Variants in DSCC1 observed in about 807,000 individuals in gnomAD.
DSCC1 encodes the protein sister chromatid cohesion protein DCC1.
Under a neutral mutation model 48.2 loss-of-function variants are expected in DSCC1, and 32 were observed. The ratio of observed to expected loss-of-function variants is 0.66; its 90% CI spans 0.50 to 0.89. The LOEUF is 0.89. Among genes scored for constraint, DSCC1 ranks in the 40% least tolerant of loss-of-function variants. DSCC1 has a pLI of 0.00. For synonymous variants in DSCC1, 150 were observed against 171.5 expected (o/e 0.87, Z 0.98); for missense variants, 421 against 471.7 (o/e 0.89, Z 1.00).
intron 4 of DSCC1, 102 bp from the exon 5 acceptor site, chr8:119,843,849 T>A: frequency 8.3e-7 from 1 of 1,200,680 alleles, no homozygotes; most frequent in Non-Finnish European, 1.2e-6. Context: ...TGATCTCAGC[T>A]CATCGCAACC....
chr8:119,842,899 A>G (rs1342081922), intron 5 of DSCC1, 71 bp from the exon 6 acceptor site: 2 of 1,255,700 alleles, frequency 1.6e-6, no homozygotes, highest in East Asian at 5.0e-5. Context: ...CCCCATTGCC[A>G]ACTCAAAATT....
rs955656200 is a variant in DSCC1, at chr8:119,855,790, C to G, written c.6G>C (p.Lys2Asn). The G allele has an allele frequency of 1.3e-6, 2 of 1,530,716 alleles. No homozygotes were observed. The highest frequency in any genetic ancestry group is 1.8e-6 in the Non-Finnish European group (2 of 1,139,770). 94.8% of individuals were successfully genotyped at this position (1,530,716 alleles called of 1,614,324 possible). A position where few individuals can be genotyped will look rare whatever the true frequency, so the allele number is the denominator to read the frequency against. ...TCGCATCCACCTCGTCGCGGGTCCT[C>G]TTCATCGCAGCGCCGGGTCTAGGAG... The part of the protein sequence containing the change: M[K>N]RTRDEVDATL... The change falls in exon 1 of 9, where the codon AAG becomes AAC. Residue 2 changes from lysine (K) to asparagine (N), a missense_variant. Physicochemically the swap from Lys to Asn is moderately conservative, Grantham distance 94. This residue lies in a region of DSCC1 where 174 missense variants were observed against 184.5 expected (regional missense o/e 0.94). Coordinates refer to ENST00000313655, the MANE Select transcript of DSCC1 (RefSeq NM_024094.3).
intron 7 of DSCC1, 185 bp from the exon 8 acceptor site, chr8:119,838,592 C>A: frequency 1.9e-6 from 1 of 527,966 alleles, no homozygotes; most frequent in Non-Finnish European, 3.0e-6. Flanking sequence ...GCAGTGACTT[C>A]TTTCCTCCTC....
intron 4 of DSCC1, among the ~76,000 whole-genome samples, chr8:119,844,435 CAAA>C (rs71571634): frequency 1.9e-5 from 2 of 103,892 alleles, no homozygotes; most frequent in Admixed American, 1.1e-4. Context: ...AGACTGTCTC[CAAA>C]AAAAAAAAAA....
chr8:119,837,194 G>A (rs1360882932), intron 8 of DSCC1, among the ~76,000 whole-genome samples: 2 of 152,210 alleles, frequency 1.3e-5, no homozygotes, highest in Admixed American at 6.5e-5. Flanking sequence ...TTTGTATGCT[G>A]ATGGGGATGA....
chr8:119,847,202 T>C (rs1417967704), intron 3 of DSCC1, 122 bp from the exon 4 acceptor site: 2 of 740,800 alleles, frequency 2.7e-6, no homozygotes, highest in Non-Finnish European at 4.4e-6. Context: ...CTAGCTCAGT[T>C]TCTTTTGTTA....
intron 8 of DSCC1, among the ~76,000 whole-genome samples, chr8:119,837,727 G>A (rs1489950015): frequency 6.6e-6 from 1 of 152,192 alleles, no homozygotes; most frequent in Non-Finnish European, 1.5e-5. Flanking sequence ...GGAGTAAAGT[G>A]TAGACAGTAA....
At chr8:119,850,611 C>G in intron 2 of DSCC1, 95 bp from the exon 3 acceptor site, 1 of 1,146,538 alleles carries the variant, frequency 8.7e-7, no homozygotes, top group Non-Finnish European at 1.2e-6. Context: ...TCAACAAGTA[C>G]AAAGGAAGCT....
Position 119,836,848 on chromosome 8 carries a change from GAGA to G in DSCC1, c.1073+1408_1073+1410del, listed in dbSNP as rs780435902. On this transcript the variant is annotated intron_variant, in intron 8 of 8. Transcript: ENST00000313655. ...TGGAGCACTCCAACATTTAGAGATT[GAGA>G]AGAAGAACAGGGAGACATCAACAAA... Among the ~76,000 whole-genome samples, 27 of 152,134 alleles carry G rather than the reference GAGA, an allele frequency of 1.8e-4. No homozygotes were observed. The South Asian group carries it at 2.5e-3, about 14-fold the overall frequency.
rs995302294 is a variant in DSCC1 at position 119,849,981 on chromosome 8, C to T, written c.486+401G>A. Among the ~76,000 whole-genome samples the T allele has an allele frequency of 4.6e-5, 7 of 152,194 alleles. No homozygotes were observed. The East Asian group carries it at 1.3e-3, about 29-fold the overall frequency. On this transcript the variant is annotated intron_variant, in intron 3 of 8. Transcript: ENST00000313655. Reference sequence around the variant, plus strand: ...AAGAATAGCTTCCATTATGTCCCCTCTCAAGAGCATCTAGTCATAATTTTA... The same window carrying T: ...AAGAATAGCTTCCATTATGTCCCCTTTCAAGAGCATCTAGTCATAATTTTA...
chr8:119,849,298 C>T (rs572763071), intron 3 of DSCC1, among the ~76,000 whole-genome samples: 8 of 151,476 alleles, frequency 5.3e-5, no homozygotes, highest in Middle Eastern at 3.4e-3. Flanking sequence ...CCCAGCTATT[C>T]GGGAGGCTGA....
chr8:119,843,237 C>T (rs1038975237), intron 5 of DSCC1, among the ~76,000 whole-genome samples: 20 of 151,448 alleles, frequency 1.3e-4, no homozygotes, highest in South Asian at 2.1e-4. Flanking sequence ...TACAGGCACA[C>T]GGCACCACGC....
chr8:119,846,397 C>T (rs1826857917), intron 4 of DSCC1, among the ~76,000 whole-genome samples: 1 of 152,140 alleles, frequency 6.6e-6, no homozygotes, highest in African/African-American at 2.4e-5. Flanking sequence ...CAGGCATGAG[C>T]CACCATGCCC....
chr8:119,836,809 C>T (rs1285498803), intron 8 of DSCC1, among the ~76,000 whole-genome samples: 1 of 151,792 alleles, frequency 6.6e-6, no homozygotes, highest in Non-Finnish European at 1.5e-5. Flanking sequence ...GAGAAGATGG[C>T]CCAAAAATAG....
chr8:119,838,163 C>A, intron 8 of DSCC1, 96 bp downstream of exon 8: 1 of 1,358,076 alleles, frequency 7.4e-7, no homozygotes, highest in Non-Finnish European at 9.8e-7. Flanking sequence ...TCAGGGAATA[C>A]TCAAGAAAAT....
intron 2 of DSCC1, chr8:119,852,608 G>A (rs1011223119): frequency 6.5e-6 from 1 of 153,622 alleles, no homozygotes; most frequent in Middle Eastern, 3.4e-3. Flanking sequence ...GCACACCTTG[G>A]CCTCCCAAAG....
chr8:119,842,025 T>G, intron 6 of DSCC1, 77 bp from the exon 7 acceptor site: 1 of 1,483,360 alleles, frequency 6.7e-7, no homozygotes, highest in Non-Finnish European at 9.1e-7. Context: ...TTTTCTTTGC[T>G]GCAGTTTCTT....
intron 1 of DSCC1, among the ~76,000 whole-genome samples, chr8:119,854,717 G>C (rs759312351): frequency 9.9e-5 from 15 of 152,088 alleles, no homozygotes; most frequent in Non-Finnish European, 1.6e-4. Flanking sequence ...CCTCACACCT[G>C]AGTTCCTTTC....
At chr8:119,837,607 C>T in intron 8 of DSCC1, among the ~76,000 whole-genome samples, 1 of 152,174 alleles carries the variant, frequency 6.6e-6, no homozygotes, top group East Asian at 1.9e-4. Flanking sequence ...ATTGTGTATT[C>T]TCCAAAAAGT....
Sources: gnomAD v4.1 joint callset for allele counts (sites outside exome capture counted in the v4.1 genomes callset) on GRCh38, gnomAD v4.1.1 for gene constraint, gnomAD v4.1.1 regional missense constraint, MANE v1.5 for transcripts, NCBI Gene and HGNC (gene_info 2026-07-23, HGNC 2026-07-21) for gene names.